Variants in L3MBTL4 observed in about 807,000 individuals in gnomAD.
The protein encoded by L3MBTL4 is L3MBTL histone methyl-lysine binding protein 4, also known as lethal(3)malignant brain tumor-like protein 4.
L3MBTL4 carries 70 observed loss-of-function variants against 84.5 expected under a neutral mutation model. That is an observed-to-expected ratio of 0.83 (90% CI 0.68 to 1.01). L3MBTL4 has a LOEUF of 1.01. L3MBTL4 is among the 50% of genes least tolerant of loss of function. The pLI, the probability that L3MBTL4 is intolerant of heterozygous loss-of-function variation, is 0.00. For missense variants in L3MBTL4, 715 were observed against 754.8 expected (o/e 0.95, Z 0.62); for synonymous variants, 274 against 259.8 (o/e 1.05, Z -0.52).
At chr18:6,262,066 G>A (rs1054976255) in intron 5 of L3MBTL4, among the ~76,000 whole-genome samples, 4 of 152,154 alleles carry the variant, frequency 2.6e-5, no homozygotes, top group African/African-American at 7.2e-5. Flanking sequence ...CCATCGGGGC[G>A]CAAACCTCAC....
At chr18:6,264,733 G>A (rs1191335618) in intron 4 of L3MBTL4, among the ~76,000 whole-genome samples, 8 of 152,128 alleles carry the variant, frequency 5.3e-5, no homozygotes, top group Non-Finnish European at 4.4e-5. Context: ...GCAGTGAGCC[G>A]AGATCGCACT....
chr18:6,351,566 T>C (rs11872667), intron 1 of L3MBTL4, among the ~76,000 whole-genome samples: 39,492 of 151,768 alleles, frequency 0.26, 6,469 homozygotes, highest in African/African-American at 0.47. Context: ...TTATTTTTTT[T>C]TTTGAGATGG....
intron 18 of L3MBTL4, among the ~76,000 whole-genome samples, chr18:5,958,117 A>G (rs201699513): frequency 1.7e-5 from 1 of 59,012 alleles, no homozygotes; most frequent in South Asian, 4.8e-4. Flanking sequence ...AAGAAGAAGA[A>G]GAAGAAGAAG....
intron 16 of L3MBTL4, among the ~76,000 whole-genome samples, chr18:6,023,727 G>A (rs1013048559): frequency 6.6e-6 from 1 of 152,192 alleles, no homozygotes; most frequent in Non-Finnish European, 1.5e-5. Context: ...GTGTGCCTGT[G>A]TGGGGCTGTA....
At chr18:6,377,507 G>A (rs1163360032) in intron 1 of L3MBTL4, among the ~76,000 whole-genome samples, 1 of 152,038 alleles carries the variant, frequency 6.6e-6, no homozygotes, top group Non-Finnish European at 1.5e-5. Flanking sequence ...GGTGTGTGAT[G>A]TTCCCCTCCC....
At chr18:6,284,585 G>T (rs1192857211) in intron 4 of L3MBTL4, among the ~76,000 whole-genome samples, 1 of 152,254 alleles carries the variant, frequency 6.6e-6, no homozygotes, top group African/African-American at 2.4e-5. Context: ...CTGGCCGGCT[G>T]CGCACGCAGG....
intron 5 of L3MBTL4, among the ~76,000 whole-genome samples, chr18:6,250,747 C>A (rs111390883): frequency 3.3e-4 from 51 of 152,264 alleles, no homozygotes; most frequent in Non-Finnish European, 5.6e-4. Flanking sequence ...AACCTTCACA[C>A]GATAGCTCTC....
At chr18:6,133,284 A>G (rs930853550) in intron 14 of L3MBTL4, among the ~76,000 whole-genome samples, 2 of 152,036 alleles carry the variant, frequency 1.3e-5, no homozygotes, top group African/African-American at 2.4e-5. Context: ...TGTGAGGAAC[A>G]CAGAGGCAGG....
intron 1 of L3MBTL4, among the ~76,000 whole-genome samples, chr18:6,389,107 A>AC (rs2054940598): frequency 6.6e-6 from 1 of 151,900 alleles, no homozygotes; most frequent in South Asian, 2.1e-4. Context: ...CTCAGCAGAA[A>AC]CCTTCCAAGC....
At chr18:6,344,621 A>G (rs1157858503) in intron 1 of L3MBTL4, among the ~76,000 whole-genome samples, 2 of 152,224 alleles carry the variant, frequency 1.3e-5, no homozygotes, top group East Asian at 3.8e-4. Context: ...CCTGATGAAC[A>G]CATACAAAAA....
intron 12 of L3MBTL4, among the ~76,000 whole-genome samples, chr18:6,174,326 G>A (rs940382362): frequency 3.3e-5 from 5 of 152,110 alleles, no homozygotes; most frequent in African/African-American, 9.7e-5. Context: ...GGATTGCAAA[G>A]TAGTTAGGAA....
chr18:6,413,665 G>A (rs2056064246), intron 1 of L3MBTL4, among the ~76,000 whole-genome samples: 1 of 152,204 alleles, frequency 6.6e-6, no homozygotes, highest in African/African-American at 2.4e-5. Context: ...AGCTCCAACA[G>A]AAGGATCCAG....
rs1486232407 is a variant in L3MBTL4 at position 6,029,537 on chromosome 18, G to A, written c.1444+51344C>T. On this transcript the variant is annotated intron_variant, in intron 16 of 18. Transcript: ENST00000317931. The stretch of plus-strand genomic sequence containing the variant: ...GACAATCTTAGGTGGAGGACATCAA[G>A]GAAGAAATACGTCCATTTATTGCAG... 2.7e-5 allele frequency: 27 copies of A among 985,174 alleles called. No individual in the cohort carries two copies. The East Asian group carries it at 2.2e-3, about 79-fold the overall frequency. The allele number at this position is 985,174 out of a possible 1,614,324, so 61.0% of individuals were successfully genotyped here.
At chr18:6,110,354 G>A (rs765428415) in intron 14 of L3MBTL4, among the ~76,000 whole-genome samples, 6 of 152,100 alleles carry the variant, frequency 3.9e-5, no homozygotes, top group East Asian at 1.9e-4. Context: ...GTCTGTATGC[G>A]TGTGTGCGTG....
chr18:5,960,300 T>C (rs1348445591), intron 17 of L3MBTL4, 144 bp from the exon 18 acceptor site: 4 of 378,118 alleles, frequency 1.1e-5, no homozygotes, highest in African/African-American at 2.1e-5. Flanking sequence ...TGCATTAGCA[T>C]TTGTCAACTC....
intron 1 of L3MBTL4, among the ~76,000 whole-genome samples, chr18:6,341,265 G>T (rs1256766139): frequency 1.3e-5 from 2 of 151,920 alleles, no homozygotes; most frequent in African/African-American, 4.8e-5. Context: ...TAAAGCTCCA[G>T]AGACTGATCT....
chr18:6,266,003 G>A (rs865774853), intron 4 of L3MBTL4, among the ~76,000 whole-genome samples: 2 of 151,826 alleles, frequency 1.3e-5, no homozygotes, highest in Admixed American at 6.6e-5. Flanking sequence ...GTGAGGTGAC[G>A]GATATGTTAA....
chr18:6,200,333 AG>A, intron 12 of L3MBTL4, among the ~76,000 whole-genome samples: 1 of 152,328 alleles, frequency 6.6e-6, no homozygotes, highest in Non-Finnish European at 1.5e-5. Flanking sequence ...ACGCTGTAGG[AG>A]GAACTCTCCT....
chr18:6,167,484 C>G (rs1207896416), intron 13 of L3MBTL4, among the ~76,000 whole-genome samples: 1 of 152,144 alleles, frequency 6.6e-6, no homozygotes, highest in Non-Finnish European at 1.5e-5. Context: ...CCACCATGAT[C>G]AAATGGGCTT....
Sources: gnomAD v4.1 joint callset for allele counts (sites outside exome capture counted in the v4.1 genomes callset) on GRCh38, gnomAD v4.1.1 for gene constraint, MANE v1.5 for transcripts, NCBI Gene and HGNC (gene_info 2026-07-23, HGNC 2026-07-21) for gene names.